Variants in ALDH1L2 observed in about 807,000 individuals in gnomAD.
ALDH1L2 encodes aldehyde dehydrogenase 1 family member L2.
In ALDH1L2, 91 loss-of-function variants were observed where a neutral mutation model predicts 111.0. The ratio of observed to expected loss-of-function variants is 0.82; its 90% confidence interval spans 0.69 to 0.98. ALDH1L2 has a LOEUF of 0.98. ALDH1L2 is among the 50% of genes least tolerant of loss of function. ALDH1L2 has a pLI of 0.00. For synonymous variants in ALDH1L2, 374 were observed against 392.6 expected, an observed-to-expected ratio of 0.95 and a Z score of 0.56; for missense variants, 995 against 1,126.8, an observed-to-expected ratio of 0.88 and a Z score of 1.67.
intron 6 of ALDH1L2, among the ~76,000 whole-genome samples, chr12:105,063,740 G>C (rs950715516): frequency 9.9e-5 from 15 of 152,222 alleles, no homozygotes; most frequent in Non-Finnish European, 2.2e-4. Context: ...TACAGTGCAG[G>C]GTGGTAAGTG....
intron 2 of ALDH1L2, among the ~76,000 whole-genome samples, chr12:105,073,129 C>G (rs1181826076): frequency 6.6e-6 from 1 of 152,168 alleles, no homozygotes; most frequent in African/African-American, 2.4e-5. Context: ...TATTATGAAC[C>G]AGGCATAGTG....
In ALDH1L2 at chr12:105,063,591, T is replaced by C. The variant is rs1172913041; in HGVS notation, c.787-569A>G. 9.8e-5 allele frequency among the ~76,000 whole-genome samples: 14 copies of C among 143,588 alleles called. No homozygotes were observed. The Admixed American group carries it at 1.0e-3, about 10-fold the overall frequency. The allele number at this position is 143,588 out of a possible 152,430, so 94.2% of individuals were successfully genotyped here. On this transcript the variant is annotated intron_variant, in intron 6 of 22. Coordinates refer to ENST00000258494, the MANE Select transcript of ALDH1L2 (RefSeq NM_001034173.4). ...TCCAGGTGACATGAGTATGCATTTA[T>C]CACATATTTGCATTGATACAAAGGT...
chr12:105,023,712 C>T lies in ALDH1L2; in HGVS notation c.*712G>A, dbSNP rs569114667. 9.9e-5 allele frequency: 15 copies of T among 152,232 alleles called. No homozygotes were observed. The highest frequency in any genetic ancestry group is 2.1e-4 in the South Asian group (1 of 4,820). The allele number at this position is 152,232 out of a possible 1,614,324, so 9.4% of individuals were successfully genotyped here. On this transcript the variant is annotated 3_prime_UTR_variant, in exon 23 of 23. Transcript: ENST00000258494. ...ACATAGATAGGAAGATGGTATGATACGACCAGGATCAGCCTTCTACTATAT... is the reference window on the plus strand; with the variant it reads ...ACATAGATAGGAAGATGGTATGATATGACCAGGATCAGCCTTCTACTATAT...
At chr12:105,040,058 G>A (rs535304436) in intron 16 of ALDH1L2, among the ~76,000 whole-genome samples, 20 of 150,102 alleles carry the variant, frequency 1.3e-4, no homozygotes, top group East Asian at 3.9e-4. Flanking sequence ...CCCAGGAGGC[G>A]GAGGTTGCAG....
At chr12:105,080,157 G>GA (rs1319346435) in intron 1 of ALDH1L2, among the ~76,000 whole-genome samples, 1 of 152,156 alleles carries the variant, frequency 6.6e-6, no homozygotes, top group Non-Finnish European at 1.5e-5. Context: ...ACCTACAAGT[G>GA]AAACTGCAGG....
chr12:105,029,024 ATTT>A (rs770703019), intron 21 of ALDH1L2, among the ~76,000 whole-genome samples: 4 of 138,224 alleles, frequency 2.9e-5, no homozygotes, highest in Admixed American at 1.4e-4. Context: ...ATCTGCTTAA[ATTT>A]TTTTTTTTTT....
Position 105,061,677 on chromosome 12 carries a change from A to G in ALDH1L2, c.997T>C (p.Ser333Pro). The G allele has an allele frequency of 6.2e-7, 1 of 1,614,102 alleles. No individual in the cohort carries two copies. ...TCTTCAGCTGTCAGTTCTACCACTG[A>G]CGTCTCACCCGTTGAAAAGTACTGA... ...ASQYFSTGET[S>P]VVELTAEEVK... The change falls in exon 8 of 23, where the codon TCA becomes CCA. Residue 333 changes from serine (S) to proline (P), a missense_variant. By Grantham distance (74) the Ser-to-Pro change is moderately conservative. Coordinates refer to ENST00000258494, the MANE Select transcript of ALDH1L2 (RefSeq NM_001034173.4).
chr12:105,041,348 G>A (rs1592774171), intron 15 of ALDH1L2, among the ~76,000 whole-genome samples: 1 of 152,246 alleles, frequency 6.6e-6, no homozygotes, highest in East Asian at 1.9e-4. Flanking sequence ...TGATGTTTTT[G>A]CATGGTTAGA....
intron 1 of ALDH1L2, among the ~76,000 whole-genome samples, chr12:105,082,510 T>A (rs1460480217): frequency 6.6e-6 from 1 of 152,210 alleles, no homozygotes; most frequent in Non-Finnish European, 1.5e-5. Context: ...GTTCCATCCA[T>A]GTTGTATGCA....
In ALDH1L2 at chr12:105,036,514, TTATATATATA is replaced by T. The variant is rs1182802302; in HGVS notation, c.2145+1579_2145+1588del. Among the ~76,000 whole-genome samples the T allele has an allele frequency of 7.6e-3, 180 of 23,632 alleles. 3 individuals are homozygous for T. Among genetic ancestry groups the T allele is most frequent in the Middle Eastern group, 0.024 (1 of 42 alleles). 15.5% of individuals were successfully genotyped at this position (23,632 alleles called of 152,430 possible). The stretch of plus-strand genomic sequence containing the variant: ...ATATTTATATATGTATATATATATT[TTATATATATA>T]TATATATATATATATATATATATAT... On this transcript the variant is annotated intron_variant, in intron 18 of 22. Transcript: ENST00000258494.
rs1874721967 is a variant in ALDH1L2 at position 105,031,919 on chromosome 12, T to A, written c.2260A>T (p.Lys754Ter). Reference sequence around the variant, plus strand: ...TCAAGTGGATCACCAATTTTCATCTTTTTAATTTCTTCTACCTGTATGTTA... The same window carrying A: ...TCAAGTGGATCACCAATTTTCATCTATTTAATTTCTTCTACCTGTATGTTA... ...FVTRVVEEIKKMKIGDPLDRS... is the reference protein window; with the variant it reads ...FVTRVVEEIK The change falls in exon 20 of 23, where the codon AAG becomes TAG. Residue 754 changes from lysine (K) to a stop codon, truncating the protein, a stop_gained. Transcript: ENST00000258494. LOFTEE classifies it high-confidence loss of function. 1 of 1,614,114 alleles carries A rather than the reference T, an allele frequency of 6.2e-7. No individual in the cohort carries two copies. Among genetic ancestry groups the A allele is most frequent in the Non-Finnish European group, 8.5e-7 (1 of 1,180,002 alleles).
At chr12:105,075,638 A>G (rs944437248) in intron 1 of ALDH1L2, among the ~76,000 whole-genome samples, 1 of 152,198 alleles carries the variant, frequency 6.6e-6, no homozygotes, top group African/African-American at 2.4e-5. Flanking sequence ...GAAACACTAC[A>G]TTCATTGAAA....
chr12:105,061,489 T>G, intron 8 of ALDH1L2, 138 bp downstream of exon 8: 2 of 1,279,662 alleles, frequency 1.6e-6, no homozygotes, highest in Non-Finnish European at 2.2e-6. Context: ...AATTTGGAGG[T>G]TGATTTCCTC....
intron 19 of ALDH1L2, among the ~76,000 whole-genome samples, 155 bp downstream of exon 19, chr12:105,034,145 A>G (rs1266194377): frequency 6.6e-6 from 1 of 152,242 alleles, no homozygotes; most frequent in African/African-American, 2.4e-5. Context: ...GTATGCCAGT[A>G]TGTAGCTATA....
At chr12:105,025,062 T>C (rs1874346463) in intron 22 of ALDH1L2, among the ~76,000 whole-genome samples, 1 of 152,244 alleles carries the variant, frequency 6.6e-6, no homozygotes, top group Admixed American at 6.5e-5. Context: ...TAAATAGGTC[T>C]GCCTTTCTTT....
intron 21 of ALDH1L2, 129 bp downstream of exon 21, chr12:105,030,195 A>T (rs1874623887): frequency 1.7e-6 from 1 of 575,982 alleles, no homozygotes; most frequent in Non-Finnish European, 2.7e-6. Flanking sequence ...CTAATTATTT[A>T]AGTTAATTAT....
At chr12:105,046,443 T>C (rs1875921050) in intron 15 of ALDH1L2, among the ~76,000 whole-genome samples, 1 of 151,612 alleles carries the variant, frequency 6.6e-6, no homozygotes, top group African/African-American at 2.4e-5. Flanking sequence ...AAGAATTGAA[T>C]TGGTTCGTAG....
intron 1 of ALDH1L2, among the ~76,000 whole-genome samples, chr12:105,075,957 TGTATTTTTA>T (rs1336444878): frequency 2.0e-5 from 3 of 152,134 alleles, no homozygotes; most frequent in Non-Finnish European, 4.4e-5. Context: ...AGCTAATTTT[TGTATTTTTA>T]GTAGAGACAG....
chr12:105,043,373 A>G lies in ALDH1L2; in HGVS notation c.1864-2679T>C, dbSNP rs143782130. Among the ~76,000 whole-genome samples the G allele has an allele frequency of 1.7e-3, 259 of 152,346 alleles. 1 individual carries two copies. The highest frequency in any genetic ancestry group is 5.5e-3 in the African/African-American group (227 of 41,582). On this transcript the variant is annotated intron_variant, in intron 15 of 22. Transcript: ENST00000258494. ...TAATAATGGTAGCAAACAAACAAGA[A>G]AGAGGCAGGGCCACCACTTTTCCTC... is the stretch of plus-strand genomic sequence containing the variant.
Sources: allele counts gnomAD v4.1 joint callset (sites outside exome capture counted in the v4.1 genomes callset), GRCh38; gene constraint gnomAD v4.1.1; transcripts MANE v1.5; gene names NCBI Gene and HGNC (gene_info 2026-07-23, HGNC 2026-07-21).